Variants in EGFR observed in about 807,000 individuals in gnomAD.
The protein encoded by EGFR is avian erythroblastic leukemia viral (v-erb-b) oncogene homolog.
Under a neutral mutation model 143.0 loss-of-function variants are expected in EGFR, and 58 were observed. The observed-to-expected ratio is 0.41, with a 90% CI of 0.33 to 0.50. The LOEUF is 0.50. EGFR is among the 20% of genes least tolerant of loss of function. EGFR has a pLI of 0.39. For synonymous variants in EGFR, 613 were observed against 594.4 expected (o/e 1.03, Z -0.45); for missense variants, 1,307 against 1,579.0 (o/e 0.83, Z 2.92).
At chr7:55,082,707 T>C (rs184753689) in intron 1 of EGFR, among the ~76,000 whole-genome samples, 1 of 152,336 alleles carries the variant, frequency 6.6e-6, no homozygotes, top group African/African-American at 2.4e-5. Flanking sequence ...AGACATCTCG[T>C]GCAGGGCAGC....
rs1792640153 is a variant in EGFR, at chr7:55,113,440, C to G, written c.89-28846C>G. On this transcript the variant is annotated intron_variant, in intron 1 of 27. Transcript: ENST00000275493. ...GAAATATACAGTTGAAAACACCTGA[C>G]AGCAATTCCCCTCTCCCATGTGTTT... Among the ~76,000 whole-genome samples the G allele has an allele frequency of 1.3e-5, 2 of 152,168 alleles. 1 individual carries two copies. The highest frequency in any genetic ancestry group is 4.1e-4 in the South Asian group (2 of 4,820).
chr7:55,157,816 T>A (rs916875865), intron 11 of EGFR, 63 bp downstream of exon 11: 2 of 1,521,928 alleles, frequency 1.3e-6, no homozygotes, highest in Non-Finnish European at 1.8e-6. Context: ...AAATTAGGCT[T>A]AACAGGAGAG....
At chr7:55,121,841 A>G (rs1223676560) in intron 1 of EGFR, among the ~76,000 whole-genome samples, 2 of 152,224 alleles carry the variant, frequency 1.3e-5, no homozygotes, top group South Asian at 2.1e-4. Context: ...ACAAATATAT[A>G]TGGCCTCTGT....
intron 1 of EGFR, among the ~76,000 whole-genome samples, chr7:55,064,025 ATT>A (rs17335919): frequency 1.3e-5 from 2 of 151,958 alleles, no homozygotes; most frequent in East Asian, 1.9e-4. Context: ...AACATAATAG[ATT>A]TTTTTTAAGC....
At chr7:55,154,918 A>G (rs1330003030) in intron 7 of EGFR, among the ~76,000 whole-genome samples, 2 of 38,394 alleles carry the variant, frequency 5.2e-5, no homozygotes, top group Non-Finnish European at 1.0e-4. Flanking sequence ...TTCCGTATGG[A>G]AAAAAAAAAC....
chr7:55,180,943 G>A, intron 19 of EGFR: 1 of 396,450 alleles, frequency 2.5e-6, no homozygotes, highest in Non-Finnish European at 4.7e-6. Flanking sequence ...TCAACCTTGA[G>A]GCGGAGGTCT....
rs1788116691 is a variant in EGFR at position 55,206,733 on chromosome 7, C to G, written c.*1116C>G. The G allele has an allele frequency of 8.6e-6, 2 of 233,066 alleles. No homozygotes were observed. The highest frequency in any genetic ancestry group is 1.7e-5 in the Non-Finnish European group (2 of 118,070). 14.4% of individuals were successfully genotyped at this position (233,066 alleles called of 1,614,324 possible). A position where few individuals can be genotyped will look rare whatever the true frequency, so the allele number is the denominator to read the frequency against. On this transcript the variant is annotated 3_prime_UTR_variant, in exon 28 of 28. Coordinates refer to ENST00000275493, the MANE Select transcript of EGFR (RefSeq NM_005228.5). ...TACTTCACTTCAAAAGCTTTTTACTCAAAGAGTATATGTTCCCTCCAGGTC... is the reference window on the plus strand; with the variant it reads ...TACTTCACTTCAAAAGCTTTTTACTGAAAGAGTATATGTTCCCTCCAGGTC...
chr7:55,135,714 A>G (rs1368567986), intron 1 of EGFR, among the ~76,000 whole-genome samples: 1 of 152,158 alleles, frequency 6.6e-6, no homozygotes, highest in Non-Finnish European at 1.5e-5. Flanking sequence ...ATTATTACAA[A>G]CTATTGTGTG....
chr7:55,041,906 T>C (rs1051416484), intron 1 of EGFR, among the ~76,000 whole-genome samples: 3 of 152,214 alleles, frequency 2.0e-5, no homozygotes, highest in Non-Finnish European at 4.4e-5. Context: ...AAACTATACC[T>C]TAACTTCATG....
At chr7:55,109,182 G>T (rs1792316104) in intron 1 of EGFR, among the ~76,000 whole-genome samples, 1 of 152,150 alleles carries the variant, frequency 6.6e-6, no homozygotes, top group Admixed American at 6.5e-5. Context: ...AGATTAATGT[G>T]CACAGAGGAT....
chr7:55,113,474 G>C (rs1047199648), intron 1 of EGFR, among the ~76,000 whole-genome samples: 3 of 152,130 alleles, frequency 2.0e-5, no homozygotes, highest in Non-Finnish European at 4.4e-5. Context: ...TTGCAGGATG[G>C]TGGTTTTGGT....
chr7:55,203,140 C>G (rs1250416799), intron 27 of EGFR: 1 of 246,596 alleles, frequency 4.1e-6, no homozygotes, highest in East Asian at 5.8e-5. Context: ...TATACACACA[C>G]CACACACATA....
At chr7:55,074,862 C>CA (rs1790047086) in intron 1 of EGFR, among the ~76,000 whole-genome samples, 1 of 152,206 alleles carries the variant, frequency 6.6e-6, no homozygotes, top group Non-Finnish European at 1.5e-5. Flanking sequence ...ATCATTTCAA[C>CA]AAAACATTAT....
At chr7:55,125,083 C>CT (rs758676484) in intron 1 of EGFR, among the ~76,000 whole-genome samples, 4 of 152,208 alleles carry the variant, frequency 2.6e-5, no homozygotes, top group Admixed American at 2.6e-4. Flanking sequence ...CAGCAGGCTC[C>CT]TGGGGATGTC....
rs892039210 is a variant in EGFR at position 55,043,625 on chromosome 7, A to G, written c.88+24260A>G. On this transcript the variant is annotated intron_variant, in intron 1 of 27. Coordinates refer to ENST00000275493, the MANE Select transcript of EGFR (RefSeq NM_005228.5). Reference sequence around the variant, plus strand: ...GAACCGCCCCCTTCTTGGCCTCCCAATATGCCGGGATTACAGGTGTGAGCC... The same window carrying G: ...GAACCGCCCCCTTCTTGGCCTCCCAGTATGCCGGGATTACAGGTGTGAGCC... Among the ~76,000 whole-genome samples the G allele has an allele frequency of 2.6e-5, 4 of 152,014 alleles. No individual in the cohort carries two copies. In the East Asian group the frequency reaches 5.8e-4, roughly 22 times the overall value.
intron 1 of EGFR, among the ~76,000 whole-genome samples, chr7:55,034,674 A>G (rs1787456722): frequency 6.6e-6 from 1 of 152,234 alleles, no homozygotes; most frequent in Admixed American, 6.5e-5. Context: ...TTATCTGATT[A>G]CTTATCATTG....
chr7:55,036,969 GA>G (rs1222401633), intron 1 of EGFR, among the ~76,000 whole-genome samples: 3 of 152,140 alleles, frequency 2.0e-5, no homozygotes, highest in Non-Finnish European at 4.4e-5. Context: ...GCAACATAGG[GA>G]GGGGGAAGAG....
At chr7:55,198,989 C>T (rs554573250) in intron 23 of EGFR, 126 bp downstream of exon 23, 1 of 1,249,486 alleles carries the variant, frequency 8.0e-7, no homozygotes, top group Admixed American at 1.9e-5. Flanking sequence ...GCACACAAAT[C>T]CAGAAACATC....
At chr7:55,138,241 C>A (rs1038498772) in intron 1 of EGFR, among the ~76,000 whole-genome samples, 6 of 152,126 alleles carry the variant, frequency 3.9e-5, no homozygotes, top group African/African-American at 1.4e-4. Context: ...GCTTTGAAGT[C>A]CTAAGTCATA....
Sources: gnomAD v4.1 joint callset for allele counts (sites outside exome capture counted in the v4.1 genomes callset) on GRCh38, gnomAD v4.1.1 for gene constraint, MANE v1.5 for transcripts, NCBI Gene and HGNC (gene_info 2026-07-23, HGNC 2026-07-21) for gene names.